Variants in GLIS3 observed in about 807,000 individuals in gnomAD.
GLIS3 encodes zinc finger protein GLIS3.
In GLIS3, 53 loss-of-function variants were observed where a neutral mutation model predicts 78.6. That is an observed-to-expected ratio of 0.67 (90% CI 0.54 to 0.85). GLIS3 has a LOEUF of 0.85. Ranked by LOEUF, GLIS3 falls within the 40% of genes least tolerant of loss-of-function variation. GLIS3 has a pLI of 0.00. For synonymous variants in GLIS3, 684 were observed against 509.9 expected (o/e 1.34, Z -4.60); for missense variants, 1,703 against 1,231.1 (o/e 1.38, Z -5.74).
At chr9:4,213,564 AATTTT>A (rs1187886302) in intron 2 of GLIS3, among the ~76,000 whole-genome samples, 2 of 152,268 alleles carry the variant, frequency 1.3e-5, no homozygotes, top group East Asian at 1.9e-4. Flanking sequence ...TTGAATTTTT[AATTTT>A]ATTTAATTTT....
chr9:4,425,657 C>G, the GLIS3 span, among the ~76,000 whole-genome samples: 1 of 152,152 alleles, frequency 6.6e-6, no homozygotes, highest in Admixed American at 6.5e-5. Context: ...CTTCAGCTTC[C>G]TAATACTCTT....
intron 4 of GLIS3, among the ~76,000 whole-genome samples, chr9:4,017,357 A>G (rs1424708372): frequency 3.3e-5 from 5 of 152,182 alleles, no homozygotes; most frequent in African/African-American, 4.8e-5. Context: ...ACAAGATGTA[A>G]TTTGGGTGCT....
intron 6 of GLIS3, among the ~76,000 whole-genome samples, chr9:3,910,275 G>A (rs918930326): frequency 1.2e-4 from 18 of 152,158 alleles, no homozygotes; most frequent in African/African-American, 4.3e-4. Flanking sequence ...CATGGAAGGG[G>A]CATGGTTTAG....
At chr9:4,243,415 T>C (rs375784732) in intron 2 of GLIS3, among the ~76,000 whole-genome samples, 41 of 146,228 alleles carry the variant, frequency 2.8e-4, no homozygotes, top group Non-Finnish European at 4.3e-4. Flanking sequence ...CACACACACA[T>C]ACGCATAGAG....
intron 4 of GLIS3, among the ~76,000 whole-genome samples, chr9:3,996,946 T>TTA (rs1179105434): frequency 6.6e-6 from 1 of 152,164 alleles, no homozygotes; most frequent in Admixed American, 6.5e-5. Context: ...ATAATACAAA[T>TTA]TACCATAGAA....
At chr9:3,897,559 C>T (rs1445348) in intron 7 of GLIS3, among the ~76,000 whole-genome samples, 114,641 of 151,992 alleles carry the variant, frequency 0.75, 43,313 homozygotes, top group East Asian at 0.81. Context: ...AACCCTTCTT[C>T]GTCTCATCTC....
chr9:4,184,161 A>T (rs1885235), intron 2 of GLIS3, among the ~76,000 whole-genome samples: 29,344 of 152,114 alleles, frequency 0.19, 3,160 homozygotes, highest in African/African-American at 0.29. Flanking sequence ...TTCCAAAATC[A>T]AGGGTATAAG....
At chr9:3,872,757 C>A (rs7021479) in intron 8 of GLIS3, among the ~76,000 whole-genome samples, 1 of 152,086 alleles carries the variant, frequency 6.6e-6, no homozygotes, top group Admixed American at 6.5e-5. Flanking sequence ...AGTCCCCACA[C>A]CTGTGGAATA....
In GLIS3 at chr9:4,103,070, T is replaced by C. The variant is rs1429353040; in HGVS notation, c.1710+14698A>G. Among the ~76,000 whole-genome samples, 6 of 152,298 alleles carry C rather than the reference T, an allele frequency of 3.9e-5. No homozygotes were observed. The South Asian group carries it at 6.2e-4, about 16-fold the overall frequency. ...TCCTGCTGGAGCCAATGAAGTTTTATTGCCATAGACATGAACATCATAAAA... is the reference window on the plus strand; with the variant it reads ...TCCTGCTGGAGCCAATGAAGTTTTACTGCCATAGACATGAACATCATAAAA... On this transcript the variant is annotated intron_variant, in intron 4 of 10. Transcript: ENST00000381971.
intron 4 of GLIS3, among the ~76,000 whole-genome samples, chr9:3,993,262 T>A (rs1300856555): frequency 6.6e-6 from 1 of 152,188 alleles, no homozygotes; most frequent in Non-Finnish European, 1.5e-5. Flanking sequence ...TTTGTACTGC[T>A]GCTTCCCCTG....
At chr9:4,078,220 C>T (rs1315313120) in intron 4 of GLIS3, among the ~76,000 whole-genome samples, 2 of 152,064 alleles carry the variant, frequency 1.3e-5, no homozygotes, top group Non-Finnish European at 2.9e-5. Flanking sequence ...ATCCTTTTTG[C>T]AAATATAATA....
At chr9:3,878,074 T>C (rs1821441764) in intron 8 of GLIS3, among the ~76,000 whole-genome samples, 1 of 152,168 alleles carries the variant, frequency 6.6e-6, no homozygotes, top group Admixed American at 6.5e-5. Context: ...GACGGTGTCC[T>C]TTCTGTTCCT....
At chr9:3,940,773 G>C (rs1815835159) in intron 4 of GLIS3, among the ~76,000 whole-genome samples, 1 of 152,164 alleles carries the variant, frequency 6.6e-6, no homozygotes, top group Non-Finnish European at 1.5e-5. Context: ...TGTGCAATGA[G>C]CATTTATTCC....
At chr9:4,450,059 A>AAGG in the GLIS3 span, among the ~76,000 whole-genome samples, 4 of 152,192 alleles carry the variant, frequency 2.6e-5, no homozygotes, top group Non-Finnish European at 5.9e-5. Flanking sequence ...CAAGCTAAAG[A>AAGG]AGGATGTTTG....
At chr9:4,468,868 C>G in the GLIS3 span, among the ~76,000 whole-genome samples, 1 of 152,174 alleles carries the variant, frequency 6.6e-6, no homozygotes, top group African/African-American at 2.4e-5. Context: ...CAAGACCCAT[C>G]AGTGTGCTGT....
intron 9 of GLIS3, among the ~76,000 whole-genome samples, chr9:3,851,019 C>T (rs1185925483): frequency 6.6e-6 from 1 of 152,232 alleles, no homozygotes; most frequent in Non-Finnish European, 1.5e-5. Context: ...GATTAAATGA[C>T]ATTCATGTTT....
At chr9:3,859,028 A>G (rs1049077340) in intron 8 of GLIS3, among the ~76,000 whole-genome samples, 22 of 152,216 alleles carry the variant, frequency 1.4e-4, no homozygotes, top group African/African-American at 5.1e-4. Flanking sequence ...AACTAAAATC[A>G]GGGGTGAGAG....
At chr9:4,439,143 C>G in the GLIS3 span, among the ~76,000 whole-genome samples, 5,848 of 152,208 alleles carry the variant, frequency 0.038, 251 homozygotes, top group East Asian at 0.21. Context: ...GGGCATTCTT[C>G]AGTACTACCT....
At chr9:3,829,636 C>G (rs531735750) in intron 9 of GLIS3, 144 bp from the exon 10 acceptor site, 7 of 770,458 alleles carry the variant, frequency 9.1e-6, no homozygotes, top group Admixed American at 2.1e-5. Flanking sequence ...ATCTTCCAAG[C>G]AAACATTTGG....
Sources: gnomAD v4.1 joint callset for allele counts (sites outside exome capture counted in the v4.1 genomes callset) on GRCh38, gnomAD v4.1.1 for gene constraint, MANE v1.5 for transcripts, NCBI Gene and HGNC (gene_info 2026-07-23, HGNC 2026-07-21) for gene names.